The following KICS2 variants were observed in gnomAD, a reference collection of about 807,000 sequenced individuals.
The protein encoded by KICS2 is KICSTOR complex protein C12orf66.
KICS2 carries 13 observed loss-of-function variants against 31.4 expected under a neutral mutation model. The ratio of observed to expected loss-of-function variants is 0.41; its 90% CI spans 0.27 to 0.66. KICS2 has a LOEUF of 0.66. Ranked by LOEUF, KICS2 falls within the 30% of genes least tolerant of loss-of-function variation. The pLI is 0.28. For missense variants in KICS2, 455 were observed against 545.4 expected (o/e 0.83, Z 1.65); for synonymous variants, 209 against 214.8 (o/e 0.97, Z 0.24).
At chr12:64,200,739 A>C in intron 2 of KICS2, among the ~76,000 whole-genome samples, 1 of 28,302 alleles carries the variant, frequency 3.5e-5, no homozygotes, top group Non-Finnish European at 7.0e-5. Context: ...ATCTACAATG[A>C]ACTCAAACAA....
rs540855665 is a variant in KICS2 at position 64,194,738 on chromosome 12, C to T, written c.522-80G>A. The T allele has an allele frequency of 5.2e-5, 76 of 1,468,210 alleles. No homozygotes were observed. The South Asian group carries it at 1.0e-3, about 20-fold the overall frequency. 90.9% of individuals were successfully genotyped at this position (1,468,210 alleles called of 1,614,324 possible). ...TGACATTTTTCTAACCACAAAGCAA[C>T]AAAATGGCCAAACATAATATTATGC... On this transcript the variant is annotated intron_variant, in intron 2 of 2. Transcript: ENST00000398055.
Position 64,193,284 on chromosome 12 carries a change from C to G in KICS2, c.*558G>C. 6 of 985,788 alleles carry G rather than the reference C, an allele frequency of 6.1e-6. No individual in the cohort carries two copies. Among genetic ancestry groups the G allele is most frequent in the Non-Finnish European group, 7.2e-6 (6 of 830,260 alleles). The allele number at this position is 985,788 out of a possible 1,614,324, so 61.1% of individuals were successfully genotyped here. The stretch of plus-strand genomic sequence containing the variant: ...TACCAATCTGACTCACTTTCAGTTT[C>G]AATAACTGATAGAAATTTCTTACCA... On this transcript the variant is annotated 3_prime_UTR_variant, in exon 3 of 3. Coordinates refer to ENST00000398055, the MANE Select transcript of KICS2 (RefSeq NM_152440.5).
downstream of KICS2, chr12:64,186,620 T>G (rs2037341458): frequency 6.6e-6 from 1 of 152,234 alleles, no homozygotes; most frequent in African/African-American, 2.4e-5. Flanking sequence ...ATAATGATTT[T>G]AGATATTCTT....
intron 2 of KICS2, chr12:64,204,965 T>A (rs2037523539): frequency 6.6e-6 from 1 of 152,180 alleles, no homozygotes; most frequent in East Asian, 1.9e-4. Flanking sequence ...CTCAAAATCT[T>A]TGAATTGTAA....
At chr12:64,196,019 G>A (rs1165028848) in intron 2 of KICS2, among the ~76,000 whole-genome samples, 3 of 152,256 alleles carry the variant, frequency 2.0e-5, no homozygotes, top group Non-Finnish European at 2.9e-5. Flanking sequence ...CAGCGAGGCT[G>A]GGGGAGGGGC....
Position 64,192,957 on chromosome 12 carries a change from T to C in KICS2, c.*885A>G, listed in dbSNP as rs754572653. The C allele has an allele frequency of 1.3e-4, 126 of 985,440 alleles. 1 individual carries two copies. In the South Asian group the frequency reaches 1.8e-3, roughly 14 times the overall value. The allele number at this position is 985,440 out of a possible 1,614,324, so 61.0% of individuals were successfully genotyped here. ...TTTTATAAAAGTAGGCTATGTTGCATGAGTATCTAAAAGTGGCTGAAAAAC... is the reference window on the plus strand; with the variant it reads ...TTTTATAAAAGTAGGCTATGTTGCACGAGTATCTAAAAGTGGCTGAAAAAC... On this transcript the variant is annotated 3_prime_UTR_variant, in exon 3 of 3. Transcript: ENST00000398055.
intron 1 of KICS2, among the ~76,000 whole-genome samples, chr12:64,217,569 C>T (rs750882709): frequency 6.6e-5 from 10 of 151,586 alleles, no homozygotes; most frequent in Non-Finnish European, 1.2e-4. Flanking sequence ...GAGGCTGAGG[C>T]GGGAGGATCA....
At chr12:64,206,980 A>G (rs2037544097) in intron 2 of KICS2, among the ~76,000 whole-genome samples, 1 of 152,116 alleles carries the variant, frequency 6.6e-6, no homozygotes, top group African/African-American at 2.4e-5. Flanking sequence ...AATATACTTA[A>G]CACTACTGAA....
intron 2 of KICS2, 99 bp from the exon 3 acceptor site, chr12:64,194,757 A>C: frequency 1.4e-6 from 2 of 1,423,544 alleles, no homozygotes; most frequent in Non-Finnish European, 1.8e-6. Flanking sequence ...CAAACATAAT[A>C]TTATGCTTCA....
intron 2 of KICS2, among the ~76,000 whole-genome samples, chr12:64,209,078 C>A (rs1163464113): frequency 6.6e-6 from 1 of 151,896 alleles, no homozygotes; most frequent in Admixed American, 6.6e-5. Flanking sequence ...AAAACAAAAA[C>A]CCAAGTTCTA....
chr12:64,194,829 T>C, intron 2 of KICS2, 171 bp from the exon 3 acceptor site: 1 of 608,238 alleles, frequency 1.6e-6, no homozygotes, highest in Non-Finnish European at 2.1e-6. Flanking sequence ...CTGATATAAT[T>C]TCACCATTTC....
At chr12:64,211,040 C>A (rs1384975157) in intron 2 of KICS2, among the ~76,000 whole-genome samples, 1 of 152,024 alleles carries the variant, frequency 6.6e-6, no homozygotes, top group Middle Eastern at 3.2e-3. Context: ...GGAGGAAGGG[C>A]TCAGGGATGG....
intron 2 of KICS2, among the ~76,000 whole-genome samples, chr12:64,201,619 G>GT (rs1555181400): frequency 1.7e-5 from 2 of 117,620 alleles, no homozygotes; most frequent in East Asian, 4.9e-4. Context: ...AAAAAAAAAA[G>GT]AAAAAAAAAA....
At chr12:64,190,587 C>T (rs543315424), downstream of KICS2, among the ~76,000 whole-genome samples, 24 of 152,038 alleles carry the variant, frequency 1.6e-4, no homozygotes, top group Admixed American at 9.8e-4. Context: ...CAACATAGTG[C>T]GACCCTATCT....
chr12:64,202,608 A>G (rs2136695265), intron 2 of KICS2, among the ~76,000 whole-genome samples: 1 of 148,826 alleles, frequency 6.7e-6, no homozygotes, highest in South Asian at 2.1e-4. Flanking sequence ...AGTTTCTAAT[A>G]TATATAGATA....
At position 64,193,784 on chromosome 12, in the gene KICS2, T is replaced by C. The variant is rs1224096491; in HGVS notation, c.*58A>G. 6.5e-7 allele frequency: 1 copy of C among 1,538,594 alleles called. No homozygotes were observed. The highest frequency in any genetic ancestry group is 1.4e-5 in the African/African-American group (1 of 72,828). ...AACTCTATTCACAGACCACCGTAGATCATTAGGGCAATTAAGAACAGTTTC... is the reference window on the plus strand; with the variant it reads ...AACTCTATTCACAGACCACCGTAGACCATTAGGGCAATTAAGAACAGTTTC... On this transcript the variant is annotated 3_prime_UTR_variant, in exon 3 of 3. Transcript: ENST00000398055.
intron 2 of KICS2, among the ~76,000 whole-genome samples, chr12:64,213,741 G>A (rs1024988731): frequency 1.3e-5 from 2 of 152,062 alleles, no homozygotes; most frequent in African/African-American, 4.8e-5. Flanking sequence ...ATCTTTACTC[G>A]AAAATCTGCT....
At chr12:64,190,390 G>A (rs186014362), downstream of KICS2, among the ~76,000 whole-genome samples, 10 of 152,290 alleles carry the variant, frequency 6.6e-5, no homozygotes, top group East Asian at 1.7e-3. Context: ...AAAATTGTGA[G>A]TCTGCTTCTA....
chr12:64,209,500 G>A (rs1212040116), intron 2 of KICS2, among the ~76,000 whole-genome samples: 7 of 152,056 alleles, frequency 4.6e-5, no homozygotes, highest in Non-Finnish European at 8.8e-5. Flanking sequence ...CAGGAGAATC[G>A]CTTGAACCCA....
Sources: gnomAD v4.1 joint callset for allele counts (sites outside exome capture counted in the v4.1 genomes callset) on GRCh38, gnomAD v4.1.1 for gene constraint, MANE v1.5 for transcripts, NCBI Gene and HGNC (gene_info 2026-07-23, HGNC 2026-07-21) for gene names.